Variants in CYP2B6 observed in about 807,000 individuals in gnomAD.
CYP2B6 encodes the protein cytochrome P450 family 2 subfamily B member 6, also known as cytochrome P450 2B6.
A neutral mutation model predicts 43.4 loss-of-function variants in CYP2B6; 35 were observed. That is an observed-to-expected ratio of 0.81 (90% CI 0.62 to 1.07). The LOEUF is 1.07. Among genes scored for constraint, CYP2B6 ranks in the 50% least tolerant of loss-of-function variants. The pLI, the probability that CYP2B6 is intolerant of heterozygous loss-of-function variation, is 0.00. For synonymous variants in CYP2B6, 239 were observed against 239.2 expected (o/e 1.00, Z 0.01); for missense variants, 624 against 632.8 (o/e 0.99, Z 0.15).
chr19:40,996,371 G>C (rs190026991), intron 1 of CYP2B6, among the ~76,000 whole-genome samples: 103 of 152,208 alleles, frequency 6.8e-4, no homozygotes, highest in Middle Eastern at 6.8e-3. Flanking sequence ...AGTTCTCCAG[G>C]AATGCCCAGT....
chr19:40,998,461 T>A (rs1323933547), intron 1 of CYP2B6, among the ~76,000 whole-genome samples: 1 of 152,010 alleles, frequency 6.6e-6, no homozygotes, highest in East Asian at 1.9e-4. Flanking sequence ...TTAGGGTACA[T>A]GTGCACATTG....
chr19:40,995,002 G>A (rs1300695425), intron 1 of CYP2B6, among the ~76,000 whole-genome samples: 5 of 152,022 alleles, frequency 3.3e-5, no homozygotes, highest in Non-Finnish European at 2.9e-5. Context: ...ATTTTGGGGC[G>A]TTGGTTCAGA....
At chr19:40,994,662 A>C (rs1568557095) in intron 1 of CYP2B6, among the ~76,000 whole-genome samples, 1 of 151,966 alleles carries the variant, frequency 6.6e-6, no homozygotes, top group Non-Finnish European at 1.5e-5. Context: ...TTACACACGC[A>C]ATTGCCCACA....
intron 3 of CYP2B6, 40 bp from the exon 4 acceptor site, chr19:41,006,865 G>T: frequency 1.3e-6 from 2 of 1,598,628 alleles, no homozygotes; most frequent in Non-Finnish European, 1.7e-6. Flanking sequence ...TGTTCCCCAG[G>T]CACTTCAGTC....
intron 8 of CYP2B6, among the ~76,000 whole-genome samples, chr19:41,013,339 T>C (rs1969313286): frequency 6.6e-6 from 1 of 152,214 alleles, no homozygotes; most frequent in Non-Finnish European, 1.5e-5. Context: ...TTGTGATAAG[T>C]GCTCTAAAGG....
chr19:41,005,765 A>C (rs924900068), intron 3 of CYP2B6, among the ~76,000 whole-genome samples: 1 of 149,352 alleles, frequency 6.7e-6, no homozygotes, highest in Non-Finnish European at 1.5e-5. Flanking sequence ...TGCATGATAG[A>C]GTGAGACTCT....
chr19:41,008,219 G>T (rs1243720045), intron 4 of CYP2B6, among the ~76,000 whole-genome samples: 1 of 151,780 alleles, frequency 6.6e-6, no homozygotes, highest in East Asian at 1.9e-4. Flanking sequence ...GTTTGTTGTT[G>T]TTGTTGTTTT....
intron 4 of CYP2B6, chr19:41,007,359 T>C (rs140690069): frequency 4.0e-4 from 173 of 428,210 alleles, no homozygotes; most frequent in African/African-American, 3.0e-3. Flanking sequence ...ATCAAGAGAT[T>C]CTGAGAGACA....
intron 4 of CYP2B6, among the ~76,000 whole-genome samples, chr19:41,007,808 T>C (rs1969216236): frequency 6.6e-6 from 1 of 152,044 alleles, no homozygotes; most frequent in African/African-American, 2.4e-5. Flanking sequence ...GTATTTTTAG[T>C]AGAGACGGGG....
intron 1 of CYP2B6, among the ~76,000 whole-genome samples, chr19:40,991,932 G>A: frequency 6.6e-6 from 1 of 152,096 alleles, no homozygotes; most frequent in African/African-American, 2.4e-5. Flanking sequence ...GCCAGGTGCA[G>A]TGGCTCATGC....
At chr19:41,012,547 G>C in intron 7 of CYP2B6, 62 bp downstream of exon 7, 1 of 1,610,566 alleles carries the variant, frequency 6.2e-7, no homozygotes, top group African/African-American at 1.3e-5. Context: ...CTTAATCCCC[G>C]AACTCAACCT....
chr19:41,010,161 G>T (rs763613336), intron 6 of CYP2B6, 26 bp downstream of exon 6: 1 of 1,611,520 alleles, frequency 6.2e-7, no homozygotes, highest in South Asian at 1.1e-5. Context: ...CCAGTCAAGG[G>T]GGTCTTCTGA....
intron 1 of CYP2B6, among the ~76,000 whole-genome samples, chr19:41,002,961 G>A (rs1307225835): frequency 6.6e-6 from 1 of 152,076 alleles, no homozygotes; most frequent in Non-Finnish European, 1.5e-5. Context: ...TGTAGCTGTG[G>A]TTTGTTCTTT....
chr19:41,010,739 C>T (rs556694054), intron 6 of CYP2B6, among the ~76,000 whole-genome samples: 1 of 152,170 alleles, frequency 6.6e-6, no homozygotes, highest in African/African-American at 2.4e-5. Flanking sequence ...GTATTTATCA[C>T]CCAAACAGTG....
chr19:41,011,729 C>T (rs1173151545), intron 6 of CYP2B6, among the ~76,000 whole-genome samples: 5 of 151,882 alleles, frequency 3.3e-5, no homozygotes, highest in East Asian at 1.9e-4. Flanking sequence ...CATGCAAAAT[C>T]GTGGTGTGTG....
In CYP2B6 at chr19:41,017,076, A is replaced by G. The variant is rs1284229695; in HGVS notation, c.*249A>G. On this transcript the variant is annotated 3_prime_UTR_variant, in exon 9 of 9. Coordinates refer to ENST00000324071, the MANE Select transcript of CYP2B6 (RefSeq NM_000767.5). ...CTTGTTTTTTGAGACAGAGTCTCAC[A>G]CTGTTGCCCAGGCTGGAGTGCAGTG... The G allele has an allele frequency of 1.4e-5, 4 of 294,446 alleles. No individual in the cohort carries two copies. Among genetic ancestry groups the G allele is most frequent in the East Asian group, 1.3e-4 (2 of 15,622 alleles). 18.2% of individuals were successfully genotyped at this position (294,446 alleles called of 1,614,324 possible). A position where few individuals can be genotyped will look rare whatever the true frequency, so the allele number is the denominator to read the frequency against.
chr19:41,006,904 G>T lies in CYP2B6; in HGVS notation c.485-1G>T, dbSNP rs1969196390. On this transcript the variant is annotated splice_acceptor_variant, in intron 3 of 8. Transcript: ENST00000324071. LOFTEE classifies it high-confidence loss of function. ...GTCCTTGACCTGCTGCTTCTTCCTA[G>T]GGGCCCTCATGGACCCCACCTTCCT... is the stretch of plus-strand genomic sequence containing the variant. The T allele has an allele frequency of 6.2e-7, 1 of 1,613,100 alleles. No individual in the cohort carries two copies. Among genetic ancestry groups the T allele is most frequent in the Admixed American group, 1.7e-5 (1 of 59,968 alleles).
In CYP2B6 at chr19:41,012,504, C is replaced by A. The variant is rs755721871; in HGVS notation, c.1152+19C>A. 1.7e-5 allele frequency: 27 copies of A among 1,613,974 alleles called. No individual in the cohort carries two copies. Among genetic ancestry groups the A allele is most frequent in the Non-Finnish European group, 2.0e-5 (24 of 1,179,956 alleles). ...CCCCAAGGTAAGACCGGCTGGAACCCCATAGCCCTCCTGTTTGGGCATCCT... is the reference window on the plus strand; with the variant it reads ...CCCCAAGGTAAGACCGGCTGGAACCACATAGCCCTCCTGTTTGGGCATCCT... On this transcript the variant is annotated intron_variant, in intron 7 of 8. Transcript: ENST00000324071.
intron 6 of CYP2B6, among the ~76,000 whole-genome samples, chr19:41,011,172 C>G (rs1356585648): frequency 6.6e-6 from 1 of 152,198 alleles, no homozygotes; most frequent in African/African-American, 2.4e-5. Flanking sequence ...AGGTTTCACT[C>G]TTATCCTTCC....
Sources: gnomAD v4.1 joint callset for allele counts (sites outside exome capture counted in the v4.1 genomes callset) on GRCh38, gnomAD v4.1.1 for gene constraint, MANE v1.5 for transcripts, NCBI Gene and HGNC (gene_info 2026-07-23, HGNC 2026-07-21) for gene names.